Variants in SPON1 observed in about 807,000 individuals in gnomAD.
The protein encoded by SPON1 is spondin 1.
Under a neutral mutation model 111.7 loss-of-function variants are expected in SPON1, and 52 were observed. The ratio of observed to expected loss-of-function variants is 0.47; its 90% CI spans 0.37 to 0.59. The LOEUF is 0.59. Ranked by LOEUF, SPON1 falls within the 20% of genes least tolerant of loss-of-function variation. The pLI is 0.00. For missense variants in SPON1, 957 were observed against 1,068.5 expected (o/e 0.90, Z 1.46); for synonymous variants, 410 against 395.8 (o/e 1.04, Z -0.43).
Position 14,228,622 on chromosome 11 carries a change from A to T in SPON1, c.826-14710A>T, listed in dbSNP as rs1554938345. Among the ~76,000 whole-genome samples, 1 of 151,872 alleles carries T rather than the reference A, an allele frequency of 6.6e-6. No homozygotes were observed. Among genetic ancestry groups the T allele is most frequent in the Non-Finnish European group, 1.5e-5 (1 of 67,800 alleles). The stretch of plus-strand genomic sequence containing the variant: ...GAGGGTCACCCTGGAAGGAAGTTTG[A>T]CCTCACATTAGGCTGTGTTATCTAG... On this transcript the variant is annotated intron_variant, in intron 6 of 15. Transcript: ENST00000576479. This position sits in a 1 kb window ranked among gnomAD's most constrained non-coding sequence, Gnocchi z 4.2.
intron 6 of SPON1, among the ~76,000 whole-genome samples, chr11:14,237,436 GAGA>G (rs1384365909): frequency 2.6e-5 from 4 of 152,200 alleles, no homozygotes; most frequent in Non-Finnish European, 4.4e-5. Context: ...GAGAAGGATG[GAGA>G]AGAAGGACAG....
intron 2 of SPON1, among the ~76,000 whole-genome samples, chr11:14,015,002 G>T (rs1416486237): frequency 6.6e-6 from 1 of 152,122 alleles, no homozygotes; most frequent in Non-Finnish European, 1.5e-5. Context: ...ACACTTGTCT[G>T]TCTATGGAGA....
intron 5 of SPON1, among the ~76,000 whole-genome samples, chr11:14,091,185 G>C (rs1420239903): frequency 2.0e-5 from 3 of 152,208 alleles, no homozygotes; most frequent in Non-Finnish European, 4.4e-5. Context: ...ACAGGGTGCT[G>C]ATTGGTGTGT....
At chr11:14,043,509 C>A (rs1472459544) in intron 3 of SPON1, among the ~76,000 whole-genome samples, 1 of 152,170 alleles carries the variant, frequency 6.6e-6, no homozygotes, top group Admixed American at 6.5e-5. Context: ...TGATAAATAA[C>A]CTTGCTATTG....
intron 5 of SPON1, among the ~76,000 whole-genome samples, chr11:14,090,106 G>A (rs1849037570): frequency 1.3e-5 from 2 of 151,476 alleles, no homozygotes; most frequent in African/African-American, 2.4e-5. Context: ...GACCGGCTGA[G>A]CAAGACCACT....
chr11:14,123,991 A>C (rs9667611), intron 5 of SPON1, among the ~76,000 whole-genome samples: 3,619 of 152,294 alleles, frequency 0.024, 141 homozygotes, highest in African/African-American at 0.082. Flanking sequence ...CCACTTACTT[A>C]ATCAGAGTCA....
At chr11:14,149,082 T>G (rs1464965307) in intron 6 of SPON1, among the ~76,000 whole-genome samples, 10 of 152,322 alleles carry the variant, frequency 6.6e-5, no homozygotes, top group African/African-American at 2.4e-4. Flanking sequence ...TACTTATTTT[T>G]TTTAAGTTAG....
At chr11:14,067,120 T>G (rs1303335378) in intron 3 of SPON1, among the ~76,000 whole-genome samples, 5 of 152,104 alleles carry the variant, frequency 3.3e-5, no homozygotes, top group African/African-American at 1.2e-4. Context: ...GAGGCTGCAG[T>G]AAGCTGTGTT....
chr11:14,200,814 TAAAAAAAAAAAAAAAAAAAAAAAAA>T (rs572814576), intron 6 of SPON1, among the ~76,000 whole-genome samples: 1 of 79,360 alleles, frequency 1.3e-5, no homozygotes, highest in Non-Finnish European at 2.3e-5. Flanking sequence ...GACCCTGTCT[TAAAAAAAAAAAAAAAAAAAAAAAAA>T]AAAAAAAAGA....
intron 1 of SPON1, among the ~76,000 whole-genome samples, chr11:13,979,025 C>T (rs1189544052): frequency 1.3e-5 from 2 of 152,174 alleles, no homozygotes; most frequent in Non-Finnish European, 1.5e-5. Flanking sequence ...CCTAGGACTG[C>T]TGTACAAATT....
chr11:13,986,933 T>C (rs1417135757), intron 2 of SPON1, among the ~76,000 whole-genome samples: 5 of 152,236 alleles, frequency 3.3e-5, no homozygotes, highest in Non-Finnish European at 7.3e-5. Context: ...ATGGTGTATA[T>C]GTGCCACATT....
At chr11:14,233,427 A>C (rs1554938945) in intron 6 of SPON1, among the ~76,000 whole-genome samples, 3 of 152,052 alleles carry the variant, frequency 2.0e-5, no homozygotes, top group African/African-American at 7.2e-5. Context: ...TAAAAATATG[A>C]ATCAGGTCAT....
intron 5 of SPON1, among the ~76,000 whole-genome samples, chr11:14,086,495 C>T (rs541376661): frequency 1.1e-4 from 17 of 152,270 alleles, no homozygotes; most frequent in African/African-American, 3.6e-4. Flanking sequence ...AGGTATGAAG[C>T]CGACTTGATC....
intron 6 of SPON1, among the ~76,000 whole-genome samples, chr11:14,194,110 GTGGTTCTAGCCCTTT>G (rs1848375624): frequency 6.6e-6 from 1 of 152,210 alleles, no homozygotes; most frequent in South Asian, 2.1e-4. Context: ...GCACAGGCCA[GTGGTTCTAGCCCTTT>G]TGGTTCAGGA....
chr11:14,263,163 A>T (rs1849209750), intron 15 of SPON1, 188 bp downstream of exon 15: 1 of 626,986 alleles, frequency 1.6e-6, no homozygotes, highest in Non-Finnish European at 2.7e-6. Context: ...AGCAAGCATA[A>T]TTTATAAAGG....
intron 6 of SPON1, among the ~76,000 whole-genome samples, chr11:14,236,587 AG>A (rs1848870046): frequency 6.6e-6 from 1 of 152,204 alleles, no homozygotes; most frequent in Non-Finnish European, 1.5e-5. Flanking sequence ...TTTTTAAGGC[AG>A]GGGACTAAAT....
chr11:14,103,621 C>G (rs1218263832), intron 5 of SPON1, among the ~76,000 whole-genome samples: 1 of 152,194 alleles, frequency 6.6e-6, no homozygotes, highest in Non-Finnish European at 1.5e-5. Context: ...TTCAGTGTCT[C>G]TGTTAGTTCC....
intron 6 of SPON1, among the ~76,000 whole-genome samples, chr11:14,167,873 A>G (rs1440634967): frequency 6.6e-6 from 1 of 152,150 alleles, no homozygotes; most frequent in African/African-American, 2.4e-5. Flanking sequence ...ATTTTTTCAT[A>G]AAATTAACCA....
At chr11:14,096,849 T>C (rs1849105494) in intron 5 of SPON1, among the ~76,000 whole-genome samples, 1 of 152,216 alleles carries the variant, frequency 6.6e-6, no homozygotes, top group African/African-American at 2.4e-5. Context: ...TTGCCACTTT[T>C]TCAGAAATTG....
Sources: gnomAD v4.1 joint callset for allele counts (sites outside exome capture counted in the v4.1 genomes callset) on GRCh38, gnomAD v4.1.1 for gene constraint, Gnocchi (gnomAD v3.1) non-coding constraint, MANE v1.5 for transcripts, NCBI Gene and HGNC (gene_info 2026-07-23, HGNC 2026-07-21) for gene names.